Variants in CNTLN observed in about 807,000 individuals in gnomAD.
CNTLN encodes centlein, also known as centlein, centrosomal protein.
Under a neutral mutation model 180.0 loss-of-function variants are expected in CNTLN, and 212 were observed. That is an observed-to-expected ratio of 1.18 (90% CI 1.05 to 1.32). CNTLN has a LOEUF of 1.32. CNTLN is among the 40% of genes most tolerant of loss of function. The pLI is 0.00. For synonymous variants in CNTLN, 722 were observed against 563.1 expected, an observed-to-expected ratio of 1.28 and a Z score of -3.99; for missense variants, 2,095 against 1,610.9, an observed-to-expected ratio of 1.30 and a Z score of -5.14.
chr9:17,369,887 T>A (rs1227527783), intron 13 of CNTLN, among the ~76,000 whole-genome samples: 1 of 151,318 alleles, frequency 6.6e-6, no homozygotes. Flanking sequence ...CTTGGGAGGC[T>A]GAGTCAGGGG....
chr9:17,169,568 ATTTT>A (rs1260615101), intron 2 of CNTLN, among the ~76,000 whole-genome samples: 1 of 151,734 alleles, frequency 6.6e-6, no homozygotes, highest in South Asian at 2.1e-4. Flanking sequence ...TTTTGAGTTG[ATTTT>A]TGTGTATGGC....
rs759456954 is a variant in CNTLN, at chr9:17,415,773, A to G, written c.2797-15A>G. On this transcript the variant is annotated splice_polypyrimidine_tract_variant and intron_variant, in intron 16 of 25. Transcript: ENST00000380647. Reference sequence around the variant, plus strand: ...TTGAAGAATAATACCATTTTTATGAAATCTTCAAATTTAGGACTATTTTCA... The same window carrying G: ...TTGAAGAATAATACCATTTTTATGAGATCTTCAAATTTAGGACTATTTTCA... 3.4e-6 allele frequency: 5 copies of G among 1,451,888 alleles called. No homozygotes were observed. The highest frequency in any genetic ancestry group is 4.8e-6 in the Non-Finnish European group (5 of 1,038,084). 89.9% of individuals were successfully genotyped at this position (1,451,888 alleles called of 1,614,324 possible).
chr9:17,482,377 A>G (rs973015742), intron 23 of CNTLN, among the ~76,000 whole-genome samples: 11 of 152,132 alleles, frequency 7.2e-5, no homozygotes, highest in African/African-American at 2.7e-4. Flanking sequence ...TGTAAAATAA[A>G]ATAAAATGCC....
At chr9:17,441,078 G>C (rs1318247230) in intron 18 of CNTLN, among the ~76,000 whole-genome samples, 1 of 152,030 alleles carries the variant, frequency 6.6e-6, no homozygotes, top group African/African-American at 2.4e-5. Flanking sequence ...ACCTTTAAAA[G>C]ATAAAAACGT....
At chr9:17,506,099 G>A (rs578216691), downstream of CNTLN, among the ~76,000 whole-genome samples, 1 of 150,882 alleles carries the variant, frequency 6.6e-6, no homozygotes, top group South Asian at 2.1e-4. Context: ...AAAAAATCTT[G>A]ACCTAAACCT....
chr9:17,312,371 T>TATATATATATA (rs1819240915), intron 8 of CNTLN, among the ~76,000 whole-genome samples: 1 of 127,788 alleles, frequency 7.8e-6, no homozygotes, highest in Non-Finnish European at 1.7e-5. Flanking sequence ...ATATTATATA[T>TATATATATATA]ATATATATAT....
chr9:17,451,662 A>T (rs1031636574), intron 18 of CNTLN, among the ~76,000 whole-genome samples: 1 of 152,164 alleles, frequency 6.6e-6, no homozygotes, highest in Non-Finnish European at 1.5e-5. Context: ...CATGGACTGC[A>T]AAGTGTTCTT....
intron 2 of CNTLN, among the ~76,000 whole-genome samples, chr9:17,144,930 T>C (rs201385136): frequency 6.6e-6 from 1 of 151,050 alleles, no homozygotes; most frequent in Non-Finnish European, 1.5e-5. Context: ...CAAGCTCCGC[T>C]TCCCGGGTTC....
intron 1 of CNTLN, among the ~76,000 whole-genome samples, chr9:17,138,268 A>G (rs1817854927): frequency 6.6e-6 from 1 of 152,232 alleles, no homozygotes; most frequent in Admixed American, 6.5e-5. Flanking sequence ...TTATGTTTAC[A>G]TAGAAAGAGT....
At chr9:17,265,492 C>G (rs13288652) in intron 5 of CNTLN, among the ~76,000 whole-genome samples, 40,045 of 144,984 alleles carry the variant, frequency 0.28, 5,593 homozygotes, top group South Asian at 0.48. Context: ...GGATATTGGT[C>G]TAAAATTCTC....
intron 6 of CNTLN, among the ~76,000 whole-genome samples, chr9:17,284,455 C>G (rs1025841653): frequency 2.6e-5 from 4 of 151,960 alleles, no homozygotes; most frequent in Non-Finnish European, 5.9e-5. Context: ...TTGGTCTATT[C>G]AGGGATTTAG....
the CNTLN span, among the ~76,000 whole-genome samples, chr9:17,519,976 A>C: frequency 6.6e-6 from 1 of 152,232 alleles, no homozygotes; most frequent in Non-Finnish European, 1.5e-5. Flanking sequence ...CTTCTCAGAG[A>C]GTGCAGGAGA....
chr9:17,437,512 C>T (rs1286251662), intron 18 of CNTLN, among the ~76,000 whole-genome samples: 1 of 152,050 alleles, frequency 6.6e-6, no homozygotes, highest in African/African-American at 2.4e-5. Context: ...ATAGGTGTGT[C>T]TCATCAATAT....
At chr9:17,464,724 G>C in intron 21 of CNTLN, 101 bp downstream of exon 21, 1 of 711,244 alleles carries the variant, frequency 1.4e-6, no homozygotes, top group East Asian at 3.2e-5. Flanking sequence ...AGAAAATATT[G>C]ATAGGATATG....
chr9:17,482,860 T>G (rs915615154), intron 23 of CNTLN, among the ~76,000 whole-genome samples: 1 of 152,170 alleles, frequency 6.6e-6, no homozygotes, highest in Non-Finnish European at 1.5e-5. Flanking sequence ...TATGATTTTA[T>G]TTAATAATCT....
At chr9:17,331,246 A>G (rs1820625390) in intron 9 of CNTLN, among the ~76,000 whole-genome samples, 1 of 151,850 alleles carries the variant, frequency 6.6e-6, no homozygotes. Flanking sequence ...AAAATAAAAT[A>G]GTAAATGAAT....
chr9:17,340,020 G>GA (rs1227282435), intron 10 of CNTLN, among the ~76,000 whole-genome samples: 2 of 152,044 alleles, frequency 1.3e-5, no homozygotes, highest in Non-Finnish European at 2.9e-5. Context: ...GGCTGGGTGT[G>GA]ATACTGTATG....
chr9:17,390,800 C>G (rs1002617905), intron 14 of CNTLN, among the ~76,000 whole-genome samples: 5 of 152,048 alleles, frequency 3.3e-5, no homozygotes, highest in African/African-American at 1.2e-4. Context: ...GAAGTAGTGT[C>G]TCTGTTTTGT....
intron 5 of CNTLN, among the ~76,000 whole-genome samples, chr9:17,270,990 G>A (rs371741488): frequency 1.6e-4 from 21 of 131,340 alleles, no homozygotes; most frequent in African/African-American, 4.6e-4. Flanking sequence ...TTGCTCTGTC[G>A]CCCAGGCTGG....
Sources: allele counts gnomAD v4.1 joint callset (sites outside exome capture counted in the v4.1 genomes callset), GRCh38; gene constraint gnomAD v4.1.1; transcripts MANE v1.5; gene names NCBI Gene and HGNC (gene_info 2026-07-23, HGNC 2026-07-21).